Variants in CHCHD3 observed in about 807,000 individuals in gnomAD.
CHCHD3 encodes coiled-coil-helix-coiled-coil-helix domain containing 3, also known as MICOS complex subunit MIC19.
In CHCHD3, 20 loss-of-function variants were observed where a neutral mutation model predicts 38.2. The ratio of observed to expected loss-of-function variants is 0.52; its 90% CI spans 0.37 to 0.76. The LOEUF is 0.76. Among genes scored for constraint, CHCHD3 ranks in the 30% least tolerant of loss-of-function variants. The pLI is 0.00. For missense variants in CHCHD3, 245 were observed against 279.2 expected, an observed-to-expected ratio of 0.88 and a Z score of 0.87; for synonymous variants, 82 against 100.0, an observed-to-expected ratio of 0.82 and a Z score of 1.07.
At chr7:132,864,440 T>A (rs1234010944) in intron 5 of CHCHD3, among the ~76,000 whole-genome samples, 2 of 152,114 alleles carry the variant, frequency 1.3e-5, no homozygotes, top group African/African-American at 4.8e-5. Flanking sequence ...ACATCATAGA[T>A]CACCATAGCA....
intron 4 of CHCHD3, among the ~76,000 whole-genome samples, chr7:132,887,462 C>T (rs1809246279): frequency 6.6e-6 from 1 of 151,146 alleles, no homozygotes. Context: ...AAAGAATAGA[C>T]TCATAAGAAA....
intron 3 of CHCHD3, among the ~76,000 whole-genome samples, chr7:132,980,943 C>T (rs1394684935): frequency 6.6e-6 from 1 of 152,056 alleles, no homozygotes; most frequent in Non-Finnish European, 1.5e-5. Context: ...ACATATTGAA[C>T]TTCATTCACC....
At chr7:133,081,593 G>C (rs1000222864) in intron 1 of CHCHD3, among the ~76,000 whole-genome samples, 1 of 152,180 alleles carries the variant, frequency 6.6e-6, no homozygotes, top group African/African-American at 2.4e-5. Context: ...GTTACGAGTA[G>C]ACTGTGAGCC....
rs138886134 is a variant in CHCHD3, at chr7:132,998,083, C to T, written c.252-22797G>A. Among the ~76,000 whole-genome samples the T allele has an allele frequency of 6.4e-3, 980 of 152,228 alleles. 10 individuals are homozygous for T. The highest frequency in any genetic ancestry group is 0.022 in the African/African-American group (905 of 41,530). On this transcript the variant is annotated intron_variant, in intron 3 of 7. Coordinates refer to ENST00000262570, the MANE Select transcript of CHCHD3 (RefSeq NM_017812.4). ...TCCTCTGCAATCCATTTTATCTTTA[C>T]GGTAATTTCCAAATATCCCAACACA...
chr7:132,992,220 G>A (rs1393239087), intron 3 of CHCHD3, among the ~76,000 whole-genome samples: 1 of 152,174 alleles, frequency 6.6e-6, no homozygotes, highest in Non-Finnish European at 1.5e-5. Context: ...AGCAGCAGCA[G>A]TTGAGTCTGC....
At chr7:133,033,677 C>T (rs886645479) in intron 2 of CHCHD3, among the ~76,000 whole-genome samples, 3 of 152,082 alleles carry the variant, frequency 2.0e-5, no homozygotes, top group African/African-American at 4.8e-5. Context: ...TTGGATGACA[C>T]CAAAATATCT....
intron 4 of CHCHD3, among the ~76,000 whole-genome samples, chr7:132,901,831 T>C (rs923468732): frequency 7.2e-5 from 11 of 152,236 alleles, no homozygotes; most frequent in Non-Finnish European, 1.6e-4. Flanking sequence ...TAGATCCGAT[T>C]TGTCAATTTT....
At chr7:132,972,472 T>TGTA (rs1358096501) in intron 4 of CHCHD3, 2 of 608,158 alleles carry the variant, frequency 3.3e-6, no homozygotes, top group African/African-American at 4.0e-5. Context: ...ATCTCTGAAT[T>TGTA]GTAGTACATT....
intron 7 of CHCHD3, among the ~76,000 whole-genome samples, chr7:132,796,067 T>C (rs1054637780): frequency 4.6e-5 from 7 of 152,120 alleles, no homozygotes; most frequent in Non-Finnish European, 1.0e-4. Context: ...CTACGGCTTA[T>C]GGGCCCAAAG....
chr7:132,958,134 C>T (rs1383325678), intron 4 of CHCHD3, among the ~76,000 whole-genome samples: 4 of 152,086 alleles, frequency 2.6e-5, no homozygotes, highest in South Asian at 2.1e-4. Context: ...GAATGTATGA[C>T]GGGCATGAGG....
intron 3 of CHCHD3, among the ~76,000 whole-genome samples, chr7:132,994,504 C>T (rs965104003): frequency 2.6e-5 from 4 of 152,116 alleles, no homozygotes; most frequent in African/African-American, 4.8e-5. Context: ...GAGTGATATC[C>T]GTTTTTGAAA....
At chr7:133,076,299 G>A (rs1814989798) in intron 1 of CHCHD3, among the ~76,000 whole-genome samples, 1 of 152,032 alleles carries the variant, frequency 6.6e-6, no homozygotes, top group African/African-American at 2.4e-5. Context: ...ACACCCTGAG[G>A]TCCACAGACT....
intron 6 of CHCHD3, among the ~76,000 whole-genome samples, chr7:132,802,631 C>G (rs1391685357): frequency 1.3e-5 from 2 of 152,134 alleles, no homozygotes; most frequent in Non-Finnish European, 2.9e-5. Flanking sequence ...TCCACCATAT[C>G]TTGGTGTTCT....
intron 1 of CHCHD3, among the ~76,000 whole-genome samples, chr7:133,071,746 A>T (rs1439167450): frequency 6.6e-6 from 1 of 152,250 alleles, no homozygotes; most frequent in East Asian, 1.9e-4. Context: ...ACATATCCAT[A>T]CAACACTATA....
At chr7:132,936,157 G>A (rs934517518) in intron 4 of CHCHD3, among the ~76,000 whole-genome samples, 16 of 152,150 alleles carry the variant, frequency 1.1e-4, no homozygotes, top group East Asian at 7.7e-4. Context: ...AAGAACGTAC[G>A]TGGAGTTAGT....
intron 4 of CHCHD3, among the ~76,000 whole-genome samples, chr7:132,962,517 A>T (rs1811347008): frequency 6.6e-6 from 1 of 152,230 alleles, no homozygotes; most frequent in Non-Finnish European, 1.5e-5. Context: ...GGACAGAGAG[A>T]AGGCTATTTC....
chr7:133,034,466 A>C, intron 2 of CHCHD3: 1 of 714,084 alleles, frequency 1.4e-6, no homozygotes, highest in Non-Finnish European at 2.2e-6. Flanking sequence ...AAAAAAATGC[A>C]TCTATAATTC....
At chr7:132,869,926 T>A (rs1370020287) in intron 5 of CHCHD3, among the ~76,000 whole-genome samples, 1 of 150,372 alleles carries the variant, frequency 6.7e-6, no homozygotes, top group African/African-American at 2.5e-5. Flanking sequence ...CATGAAAGAG[T>A]TCTGAAAAAC....
chr7:132,959,475 C>T (rs967396377), intron 4 of CHCHD3, among the ~76,000 whole-genome samples: 1 of 152,110 alleles, frequency 6.6e-6, no homozygotes, highest in African/African-American at 2.4e-5. Context: ...ATAATCCCAA[C>T]ACTTTGGGAG....
Sources: gnomAD v4.1 joint callset for allele counts (sites outside exome capture counted in the v4.1 genomes callset) on GRCh38, gnomAD v4.1.1 for gene constraint, MANE v1.5 for transcripts, NCBI Gene and HGNC (gene_info 2026-07-23, HGNC 2026-07-21) for gene names.